The following ZNF609 variants were observed in gnomAD, a reference collection of about 807,000 sequenced individuals.
ZNF609 encodes zinc finger protein 609.
In ZNF609, 11 loss-of-function variants were observed where a neutral mutation model predicts 109.5. The ratio of observed to expected loss-of-function variants is 0.10; its 90% confidence interval spans 0.06 to 0.17. The LOEUF (loss-of-function observed/expected upper bound fraction) is 0.17, where lower values mean the gene tolerates loss of function less well. Among genes scored for constraint, ZNF609 ranks in the 10% least tolerant of loss-of-function variants. The pLI, the probability that ZNF609 is intolerant of heterozygous loss-of-function variation, is 1.00. For missense variants in ZNF609, 1,559 were observed against 1,772.4 expected (o/e 0.88, Z 2.16); for synonymous variants, 646 against 662.0 (o/e 0.98, Z 0.37).
intron 3 of ZNF609, among the ~76,000 whole-genome samples, chr15:64,650,644 A>G (rs1896403430): frequency 6.6e-6 from 1 of 152,136 alleles, no homozygotes; most frequent in Non-Finnish European, 1.5e-5. Flanking sequence ...TGTTAAAGGG[A>G]AAGAGGTCCT....
At chr15:64,600,040 T>A (rs1895467414) in intron 2 of ZNF609, among the ~76,000 whole-genome samples, 1 of 152,144 alleles carries the variant, frequency 6.6e-6, no homozygotes, top group African/African-American at 2.4e-5. Flanking sequence ...TGAAACTTCG[T>A]GGCCAGGCAC....
intron 3 of ZNF609, among the ~76,000 whole-genome samples, chr15:64,632,104 A>AT (rs1323052000): frequency 6.6e-6 from 1 of 152,152 alleles, no homozygotes; most frequent in Non-Finnish European, 1.5e-5. Flanking sequence ...ACTGGCTCAC[A>AT]TACAGTGGCA....
chr15:64,563,473 A>G (rs1028087246), intron 2 of ZNF609, among the ~76,000 whole-genome samples: 1 of 151,984 alleles, frequency 6.6e-6, no homozygotes, highest in Non-Finnish European at 1.5e-5. Flanking sequence ...ATAATTGAAA[A>G]TAACTGAAAA....
chr15:64,538,601 C>T (rs1305693337), intron 2 of ZNF609, among the ~76,000 whole-genome samples: 1 of 152,156 alleles, frequency 6.6e-6, no homozygotes, highest in Non-Finnish European at 1.5e-5. Context: ...GGCTGGGGTG[C>T]AGTGGGGCGA....
intron 2 of ZNF609, among the ~76,000 whole-genome samples, chr15:64,558,424 G>A (rs1894625169): frequency 6.6e-6 from 1 of 152,102 alleles, no homozygotes; most frequent in Non-Finnish European, 1.5e-5. Context: ...AGAGTTATTA[G>A]GTAAATATAT....
intron 2 of ZNF609, among the ~76,000 whole-genome samples, chr15:64,559,137 T>G (rs1297446327): frequency 6.6e-6 from 1 of 152,238 alleles, no homozygotes; most frequent in East Asian, 1.9e-4. Context: ...TTGTGAACTA[T>G]TTTAATGTGT....
At chr15:64,539,963 G>A (rs1595711826) in intron 2 of ZNF609, among the ~76,000 whole-genome samples, 1 of 151,390 alleles carries the variant, frequency 6.6e-6, no homozygotes, top group Non-Finnish European at 1.5e-5. Context: ...GTAGAGATAG[G>A]GTCCCACCAT....
chr15:64,520,550 C>T (rs1893877259), intron 2 of ZNF609, among the ~76,000 whole-genome samples: 1 of 152,132 alleles, frequency 6.6e-6, no homozygotes, highest in Non-Finnish European at 1.5e-5. Flanking sequence ...TAACCTGTGT[C>T]TCAGTTTTTA....
intron 2 of ZNF609, among the ~76,000 whole-genome samples, chr15:64,566,157 G>A (rs1215346816): frequency 8.5e-5 from 13 of 152,166 alleles, no homozygotes; most frequent in Admixed American, 8.5e-4. Context: ...GCCCAATTGA[G>A]GTATTTTATT....
chr15:64,681,436 G>A, intron 9 of ZNF609, 49 bp downstream of exon 9: 13 of 1,490,736 alleles, frequency 8.7e-6, no homozygotes, highest in South Asian at 1.1e-5. Context: ...CGGGATAGTT[G>A]CTACCTGGAT....
chr15:64,477,209 TG>T (rs1436587462), intron 1 of ZNF609, among the ~76,000 whole-genome samples: 1 of 149,040 alleles, frequency 6.7e-6, no homozygotes, highest in African/African-American at 2.5e-5. Flanking sequence ...GGCGTGATCT[TG>T]GCTCACTGCA....
At chr15:64,490,178 G>T (rs1893392143) in intron 1 of ZNF609, among the ~76,000 whole-genome samples, 1 of 151,612 alleles carries the variant, frequency 6.6e-6, no homozygotes, top group Non-Finnish European at 1.5e-5. Context: ...GCCCAGGCTG[G>T]TCTCAAACTC....
chr15:64,631,467 T>C, intron 3 of ZNF609: 1 of 725,166 alleles, frequency 1.4e-6, no homozygotes. Context: ...ATTCCCCTGA[T>C]GTCTACAATA....
At chr15:64,649,584 C>CT (rs1364527898) in intron 3 of ZNF609, among the ~76,000 whole-genome samples, 1 of 152,194 alleles carries the variant, frequency 6.6e-6, no homozygotes, top group African/African-American at 2.4e-5. Flanking sequence ...CAAACCCTGC[C>CT]TGATGGGTTA....
At position 64,672,367 on chromosome 15, in the gene ZNF609, G is replaced by C. The variant is rs1896745155; in HGVS notation, c.1062-1549G>C. The stretch of plus-strand genomic sequence containing the variant: ...AGGCTGGGTGCGGTGGCTAACGCCT[G>C]TAATCCCAGCACTTTGGGAGGCTGA... On this transcript the variant is annotated intron_variant, in intron 4 of 9. Transcript: ENST00000326648. Among the ~76,000 whole-genome samples the C allele has an allele frequency of 2.0e-5, 3 of 150,246 alleles. No homozygotes were observed. In the South Asian group the frequency reaches 6.4e-4, roughly 32 times the overall value.
rs1361713145 is a variant in ZNF609 at position 64,680,745 on chromosome 15, C to T, written c.4045C>T (p.Arg1349Trp). Residue 1349 changes from arginine (R) to tryptophan (W), a missense_variant, in exon 8 of 10, where the codon CGG becomes TGG. Coordinates refer to ENST00000326648, the MANE Select transcript of ZNF609 (RefSeq NM_015042.2). ...CGTCGGGGGAGCAAGTGGGGGTGAA[C>T]GGAGTGTTGACCGGCCCCGCACCTC... ...SSVGGASGGE[R>W]SVDRPRTSPS... The T allele has an allele frequency of 7.4e-6, 12 of 1,613,484 alleles. No individual in the cohort carries two copies. The highest frequency in any genetic ancestry group is 5.0e-5 in the Admixed American group (3 of 60,010).
At chr15:64,644,981 TTTTC>T (rs147608283) in intron 3 of ZNF609, among the ~76,000 whole-genome samples, 3,307 of 139,604 alleles carry the variant, frequency 0.024, 48 homozygotes, top group East Asian at 0.083. Flanking sequence ...CTTTCTTTCT[TTTTC>T]TTTCTTTCTT....
At chr15:64,585,000 C>A (rs1453797196) in intron 2 of ZNF609, among the ~76,000 whole-genome samples, 3 of 151,004 alleles carry the variant, frequency 2.0e-5, no homozygotes, top group African/African-American at 4.9e-5. Context: ...AAAGAGGGGG[C>A]CCTGCTTAAG....
At chr15:64,594,499 A>AT (rs797002529) in intron 2 of ZNF609, among the ~76,000 whole-genome samples, 2,051 of 147,860 alleles carry the variant, frequency 0.014, 32 homozygotes, top group African/African-American at 0.047. Flanking sequence ...CATCTGGCTA[A>AT]TTTTTTTTTT....
Sources: gnomAD v4.1 joint callset for allele counts (sites outside exome capture counted in the v4.1 genomes callset) on GRCh38, gnomAD v4.1.1 for gene constraint, MANE v1.5 for transcripts, NCBI Gene and HGNC (gene_info 2026-07-23, HGNC 2026-07-21) for gene names.